The following GRIN2B variants were observed in gnomAD, a reference collection of about 807,000 sequenced individuals.
GRIN2B encodes glutamate ionotropic receptor NMDA type subunit 2B, also known as glutamate receptor ionotropic, NMDA 2B.
Under a neutral mutation model 114.5 loss-of-function variants are expected in GRIN2B, and 5 were observed. That is an observed-to-expected ratio of 0.04 (90% CI 0.02 to 0.09). The LOEUF (loss-of-function observed/expected upper bound fraction) is 0.09, where lower values mean the gene tolerates loss of function less well. Among genes scored for constraint, GRIN2B ranks in the 10% least tolerant of loss-of-function variants. The pLI, the probability that GRIN2B is intolerant of heterozygous loss-of-function variation, is 1.00. For missense variants in GRIN2B, 1,108 were observed against 1,943.5 expected (o/e 0.57, Z 8.08); for synonymous variants, 787 against 745.1 (o/e 1.06, Z -0.92).
chr12:13,838,459 C>A (rs956639004), intron 3 of GRIN2B, among the ~76,000 whole-genome samples: 10 of 152,174 alleles, frequency 6.6e-5, no homozygotes, highest in African/African-American at 2.2e-4. Context: ...AGTTGAATAA[C>A]CTGCATTTTA....
At chr12:13,670,646 G>A (rs552723632) in intron 5 of GRIN2B, among the ~76,000 whole-genome samples, 1 of 152,248 alleles carries the variant, frequency 6.6e-6, no homozygotes, top group South Asian at 2.1e-4. Flanking sequence ...GCAAGTTTAT[G>A]CAGCTGTCCC....
chr12:13,744,601 G>A lies in GRIN2B; in HGVS notation c.1010+8716C>T, dbSNP rs143555808. Among the ~76,000 whole-genome samples the A allele has an allele frequency of 5.4e-3, 819 of 152,262 alleles. 3 individuals carry two copies. Among genetic ancestry groups the A allele is most frequent in the Non-Finnish European group, 9.3e-3 (632 of 68,000 alleles). ...AGAATAAAGAAAGAAAGAGGGTGGG[G>A]TGTGGAGCAGTAATGAATGAGGGAA... On this transcript the variant is annotated intron_variant, in intron 4 of 13. Transcript: ENST00000609686.
At chr12:13,637,600 C>G (rs1410797779) in intron 5 of GRIN2B, among the ~76,000 whole-genome samples, 1 of 152,090 alleles carries the variant, frequency 6.6e-6, no homozygotes, top group Admixed American at 6.6e-5. Flanking sequence ...ATGGAGTAGT[C>G]AGAATTCTCT....
chr12:13,922,779 T>G (rs2136814206), intron 2 of GRIN2B, among the ~76,000 whole-genome samples: 1 of 152,316 alleles, frequency 6.6e-6, no homozygotes, highest in East Asian at 1.9e-4. Context: ...AACTGTGCTT[T>G]GGGAAACAAC....
chr12:13,581,327 T>G (rs1806197), intron 10 of GRIN2B, among the ~76,000 whole-genome samples: 78,933 of 151,882 alleles, frequency 0.52, 20,856 homozygotes, highest in East Asian at 0.82. Context: ...AAACCATGTT[T>G]TCCATCACTA....
In GRIN2B at chr12:13,758,064, G is replaced by A. The variant is rs1034183988; in HGVS notation, c.412-4149C>T. On this transcript the variant is annotated intron_variant, in intron 3 of 13. Coordinates refer to ENST00000609686, the MANE Select transcript of GRIN2B (RefSeq NM_000834.5). ...AGCCCACTTCCCCAAAGCCATATCC[G>A]TTTCCTGGGGTAAATGGGACTGAAT... 5.9e-5 allele frequency among the ~76,000 whole-genome samples: 9 copies of A among 152,276 alleles called. No individual in the cohort carries two copies. The South Asian group carries it at 6.2e-4, about 11-fold the overall frequency.
chr12:13,757,067 C>T (rs1054628272), intron 3 of GRIN2B, among the ~76,000 whole-genome samples: 2 of 152,192 alleles, frequency 1.3e-5, no homozygotes, highest in African/African-American at 4.8e-5. Flanking sequence ...ACAATCTGAT[C>T]CTTTTCCTGA....
At chr12:13,935,082 A>C (rs1867103472) in intron 2 of GRIN2B, among the ~76,000 whole-genome samples, 1 of 152,176 alleles carries the variant, frequency 6.6e-6, no homozygotes, top group African/African-American at 2.4e-5. Flanking sequence ...ACTGTAAGAT[A>C]GAGAGATAGA....
chr12:13,640,642 A>G (rs1949706794), intron 5 of GRIN2B, among the ~76,000 whole-genome samples: 1 of 152,224 alleles, frequency 6.6e-6, no homozygotes, highest in Non-Finnish European at 1.5e-5. Flanking sequence ...AAAACGTTCA[A>G]GCATCACAGT....
intron 2 of GRIN2B, among the ~76,000 whole-genome samples, chr12:13,902,891 T>C (rs1866476902): frequency 6.6e-6 from 1 of 152,180 alleles, no homozygotes; most frequent in Admixed American, 6.5e-5. Context: ...CCTGGCACAC[T>C]TTTTTAGAAA....
chr12:13,947,518 AAG>A (rs1867382882), intron 2 of GRIN2B, among the ~76,000 whole-genome samples: 1 of 152,186 alleles, frequency 6.6e-6, no homozygotes, highest in Non-Finnish European at 1.5e-5. Flanking sequence ...AAGGGAAAAA[AAG>A]ACAATCACAA....
chr12:13,712,531 T>A (rs1950423958), intron 4 of GRIN2B, among the ~76,000 whole-genome samples: 1 of 151,830 alleles, frequency 6.6e-6, no homozygotes, highest in Non-Finnish European at 1.5e-5. Flanking sequence ...GGAAGGGGCA[T>A]GAGACACAAC....
intron 4 of GRIN2B, among the ~76,000 whole-genome samples, chr12:13,707,810 T>C (rs1950374417): frequency 6.6e-6 from 1 of 152,104 alleles, no homozygotes; most frequent in Non-Finnish European, 1.5e-5. Flanking sequence ...TTCTATTCAA[T>C]GCCTGAAAAG....
At position 13,603,796 on chromosome 12, in the gene GRIN2B, G is replaced by A. The variant is rs993334590; in HGVS notation, c.2010+4807C>T. ...ACAGCTTTCCCTGAGATTAGCTACA[G>A]GAGAAGCACCCTGGCAGAGTGATTT... On this transcript the variant is annotated intron_variant, in intron 10 of 13. Transcript: ENST00000609686. 2.7e-4 allele frequency among the ~76,000 whole-genome samples: 41 copies of A among 152,002 alleles called. 1 individual carries two copies. The highest frequency in any genetic ancestry group is 9.6e-4 in the African/African-American group (40 of 41,456).
At position 13,549,700 on chromosome 12, in the gene GRIN2B, TTAA is replaced by T. The variant is rs568222992; in HGVS notation, c.*13080_*13082del. ...ATTACATGCTACCTAAAAAAAATTTTTAATAATAAAAAATTATTCACAATATCT... is the reference window on the plus strand; with the variant it reads ...ATTACATGCTACCTAAAAAAAATTTTTAATAAAAAATTATTCACAATATCT... On this transcript the variant is annotated 3_prime_UTR_variant, in exon 14 of 14. Transcript: ENST00000609686. 185 of 152,304 alleles carry T rather than the reference TTAA, an allele frequency of 1.2e-3. 2 individuals carry two copies. Among genetic ancestry groups the T allele is most frequent in the African/African-American group, 4.1e-3 (171 of 41,566 alleles). 9.4% of individuals were successfully genotyped at this position (152,304 alleles called of 1,614,324 possible). A position where few individuals can be genotyped will look rare whatever the true frequency, so the allele number is the denominator to read the frequency against.
chr12:13,583,924 G>A (rs1353876738), intron 10 of GRIN2B, among the ~76,000 whole-genome samples: 1 of 152,090 alleles, frequency 6.6e-6, no homozygotes, highest in Non-Finnish European at 1.5e-5. Context: ...AGCATGGCTC[G>A]AAGAACAGAG....
intron 3 of GRIN2B, among the ~76,000 whole-genome samples, chr12:13,766,844 T>C (rs1053673056): frequency 1.1e-4 from 17 of 152,202 alleles, no homozygotes; most frequent in Non-Finnish European, 2.1e-4. Context: ...CTTTTTCCTC[T>C]AGCCTTCCGA....
chr12:13,804,226 G>T (rs1864564060), intron 3 of GRIN2B, among the ~76,000 whole-genome samples: 1 of 111,684 alleles, frequency 9.0e-6, no homozygotes. Context: ...TTAATCCTCT[G>T]TGGACTGTTT....
intron 2 of GRIN2B, among the ~76,000 whole-genome samples, chr12:13,880,083 T>A (rs1866047518): frequency 6.6e-6 from 1 of 152,008 alleles, no homozygotes; most frequent in African/African-American, 2.4e-5. Flanking sequence ...GCACACACAC[T>A]CCCCAACACA....
Sources: allele counts gnomAD v4.1 joint callset (sites outside exome capture counted in the v4.1 genomes callset), GRCh38; gene constraint gnomAD v4.1.1; transcripts MANE v1.5; gene names NCBI Gene and HGNC (gene_info 2026-07-23, HGNC 2026-07-21).